Variants in STK32B observed in about 807,000 individuals in gnomAD.
STK32B encodes serine/threonine kinase 32B.
A neutral mutation model predicts 52.6 loss-of-function variants in STK32B; 43 were observed. The observed-to-expected ratio is 0.82, with a 90% CI of 0.64 to 1.05. The LOEUF (loss-of-function observed/expected upper bound fraction) is 1.05, where lower values mean the gene tolerates loss of function less well. STK32B is among the 50% of genes least tolerant of loss of function. STK32B has a pLI of 0.00. For missense variants in STK32B, 621 were observed against 534.6 expected (o/e 1.16, Z -1.59); for synonymous variants, 238 against 204.3 (o/e 1.17, Z -1.41).
intron 5 of STK32B, among the ~76,000 whole-genome samples, chr4:5,404,602 C>G (rs10010832): frequency 6.6e-6 from 1 of 151,970 alleles, no homozygotes; most frequent in South Asian, 2.1e-4. Flanking sequence ...CAAATCCAAC[C>G]TCATCAACAT....
At chr4:5,260,596 C>T (rs1398918336) in intron 3 of STK32B, among the ~76,000 whole-genome samples, 1 of 152,100 alleles carries the variant, frequency 6.6e-6, no homozygotes, top group African/African-American at 2.4e-5. Flanking sequence ...AAAGGGCCTT[C>T]TGGAAAAGGA....
intron 1 of STK32B, among the ~76,000 whole-genome samples, chr4:5,078,617 C>T (rs1191447770): frequency 6.6e-6 from 1 of 152,152 alleles, no homozygotes; most frequent in Non-Finnish European, 1.5e-5. Context: ...CATTTGTTCA[C>T]TCTGATTTAA....
intron 3 of STK32B, among the ~76,000 whole-genome samples, chr4:5,258,079 C>T (rs1437165658): frequency 2.6e-5 from 4 of 152,204 alleles, no homozygotes; most frequent in African/African-American, 7.2e-5. Context: ...GTGGATGGCT[C>T]GCTGAATGTT....
intron 1 of STK32B, among the ~76,000 whole-genome samples, chr4:5,087,257 GC>G (rs1560144300): frequency 6.6e-6 from 1 of 151,808 alleles, no homozygotes; most frequent in East Asian, 1.9e-4. Flanking sequence ...AAATTGAGAT[GC>G]TAATTATAAT....
At chr4:5,184,933 C>T (rs774555726) in intron 3 of STK32B, among the ~76,000 whole-genome samples, 1 of 152,146 alleles carries the variant, frequency 6.6e-6, no homozygotes, top group Non-Finnish European at 1.5e-5. Context: ...GAAAATGAGG[C>T]GTGCCTGTGT....
intron 3 of STK32B, among the ~76,000 whole-genome samples, chr4:5,313,780 AT>A (rs1730473594): frequency 6.6e-6 from 1 of 152,124 alleles, no homozygotes; most frequent in East Asian, 1.9e-4. Context: ...GATTAATCAC[AT>A]TTCTGTATAC....
chr4:5,213,519 C>G (rs757272829), intron 3 of STK32B, among the ~76,000 whole-genome samples: 1 of 152,208 alleles, frequency 6.6e-6, no homozygotes, highest in African/African-American at 2.4e-5. Context: ...AGAAGTGAAG[C>G]AGATAGAGAT....
At chr4:5,024,954 T>A in the STK32B span, among the ~76,000 whole-genome samples, 1 of 152,114 alleles carries the variant, frequency 6.6e-6, no homozygotes, top group African/African-American at 2.4e-5. Context: ...GAGCTTTGCA[T>A]GCAATCTCTG....
chr4:5,311,477 A>T (rs1405813571), intron 3 of STK32B, among the ~76,000 whole-genome samples: 1 of 152,198 alleles, frequency 6.6e-6, no homozygotes, highest in Non-Finnish European at 1.5e-5. Context: ...AACAGTAGAG[A>T]AAATCAATGA....
chr4:5,159,686 AATATATATGAATATATATGAAT>A (rs1718250233), intron 2 of STK32B, among the ~76,000 whole-genome samples: 1 of 59,180 alleles, frequency 1.7e-5, no homozygotes, highest in Non-Finnish European at 3.6e-5. Flanking sequence ...TATATATATG[AATATATATGAATATATATGAAT>A]ATATATATGA....
At chr4:5,475,557 A>G (rs1047208857) in intron 11 of STK32B, among the ~76,000 whole-genome samples, 1 of 149,570 alleles carries the variant, frequency 6.7e-6, no homozygotes, top group African/African-American at 2.5e-5. Flanking sequence ...AAATTAGGCA[A>G]GCGTGGTGGT....
chr4:5,324,807 A>C (rs978017167), intron 3 of STK32B, among the ~76,000 whole-genome samples: 1 of 152,210 alleles, frequency 6.6e-6, no homozygotes, highest in Non-Finnish European at 1.5e-5. Flanking sequence ...AACGTGTGGA[A>C]TTGTGAGAGT....
intron 6 of STK32B, among the ~76,000 whole-genome samples, chr4:5,431,679 G>A (rs1013596963): frequency 1.3e-5 from 2 of 152,060 alleles, no homozygotes; most frequent in African/African-American, 2.4e-5. Context: ...AAATACTAAT[G>A]GTCAACAGCT....
rs200693298 is a variant in STK32B, at chr4:5,371,000, A to G, written c.435-27207A>G. 1.1e-3 allele frequency among the ~76,000 whole-genome samples: 119 copies of G among 108,658 alleles called. 2 individuals are homozygous for G. Among genetic ancestry groups the G allele is most frequent in the South Asian group, 5.5e-3 (19 of 3,474 alleles). 71.3% of individuals were successfully genotyped at this position (108,658 alleles called of 152,430 possible). ...TATATATATATGTGTGTGTGTGTAT[A>G]TATATATATATGTATATATATGTGT... On this transcript the variant is annotated intron_variant, in intron 4 of 11. Transcript: ENST00000282908.
At chr4:5,441,085 G>T (rs4484237) in intron 6 of STK32B, among the ~76,000 whole-genome samples, 3,180 of 149,860 alleles carry the variant, frequency 0.021, 50 homozygotes, top group South Asian at 0.089. Context: ...TTGTGTCTCT[G>T]CCTGGCTTTG....
At chr4:5,061,606 T>C (rs777882060) in intron 1 of STK32B, among the ~76,000 whole-genome samples, 13 of 152,206 alleles carry the variant, frequency 8.5e-5, no homozygotes, top group African/African-American at 1.2e-4. Flanking sequence ...AGAAAGATTT[T>C]CCTTCTGGTC....
rs62297317 is a variant in STK32B at position 5,378,727 on chromosome 4, C to A, written c.435-19480C>A. On this transcript the variant is annotated intron_variant, in intron 4 of 11. Transcript: ENST00000282908. The surrounding 1 kb of genome is among the most constrained non-coding windows in gnomAD (Gnocchi z 4.4). ...AGAATGGACTCTGCATTTTAGTCAG[C>A]ACACCTGCTGCTGGTTGGTGGAAAT... 0.12 allele frequency among the ~76,000 whole-genome samples: 18,260 copies of A among 152,100 alleles called. 2,344 individuals carry two copies. Among genetic ancestry groups the A allele is most frequent in the African/African-American group, 0.3 (12,492 of 41,444 alleles).
intron 1 of STK32B, among the ~76,000 whole-genome samples, chr4:5,118,130 G>A (rs1293457355): frequency 1.3e-5 from 2 of 152,134 alleles, no homozygotes; most frequent in Non-Finnish European, 2.9e-5. Context: ...AGAAGGATTG[G>A]CCCTAATTCT....
the STK32B span, among the ~76,000 whole-genome samples, chr4:5,039,320 A>T: frequency 6.6e-6 from 1 of 152,120 alleles, no homozygotes; most frequent in African/African-American, 2.4e-5. Flanking sequence ...TTATAACCTG[A>T]ATCTATAAGC....
Sources: gnomAD v4.1 joint callset for allele counts (sites outside exome capture counted in the v4.1 genomes callset) on GRCh38, gnomAD v4.1.1 for gene constraint, Gnocchi (gnomAD v3.1) non-coding constraint, MANE v1.5 for transcripts, NCBI Gene and HGNC (gene_info 2026-07-23, HGNC 2026-07-21) for gene names.